The following FAM193A variants were observed in gnomAD, a reference collection of about 807,000 sequenced individuals.
The protein encoded by FAM193A is family with sequence similarity 193 member A, also known as protein FAM193A.
In FAM193A, 22 loss-of-function variants were observed where a neutral mutation model predicts 126.5. The observed-to-expected ratio is 0.17, with a 90% CI of 0.12 to 0.25. FAM193A has a LOEUF of 0.25. Among genes scored for constraint, FAM193A ranks in the 10% least tolerant of loss-of-function variants. The pLI is 1.00. For synonymous variants in FAM193A, 761 were observed against 646.8 expected (o/e 1.18, Z -2.68); for missense variants, 1,675 against 1,672.8 (o/e 1.00, Z -0.02).
chr4:2,544,957 C>T (rs984337875), intron 1 of FAM193A, among the ~76,000 whole-genome samples: 1 of 151,780 alleles, frequency 6.6e-6, no homozygotes, highest in Non-Finnish European at 1.5e-5. Flanking sequence ...CTGATCTCAT[C>T]TGTATCCTTT....
chr4:2,643,533 G>A (rs532752824), intron 6 of FAM193A, among the ~76,000 whole-genome samples: 3 of 74,440 alleles, frequency 4.0e-5, no homozygotes, highest in East Asian at 5.7e-4. Context: ...TTCCTCACCC[G>A]AAACAGTAAC....
chr4:2,559,794 G>A (rs1464943105), intron 1 of FAM193A, among the ~76,000 whole-genome samples: 2 of 152,104 alleles, frequency 1.3e-5, no homozygotes, highest in Admixed American at 6.6e-5. Context: ...ACAGCTGAGC[G>A]TCCTTGCCGT....
intron 20 of FAM193A, among the ~76,000 whole-genome samples, chr4:2,724,862 G>A (rs116374492): frequency 0.017 from 2,531 of 152,222 alleles, 53 homozygotes; most frequent in African/African-American, 0.048. Flanking sequence ...CAACTGAGAA[G>A]GTTTTTTTAT....
At chr4:2,562,518 G>A (rs1291621783) in intron 1 of FAM193A, among the ~76,000 whole-genome samples, 1 of 152,132 alleles carries the variant, frequency 6.6e-6, no homozygotes, top group Non-Finnish European at 1.5e-5. Flanking sequence ...TAGGATGTAA[G>A]GAGTGATGAT....
chr4:2,672,073 C>T (rs367800296), intron 12 of FAM193A, 48 bp from the exon 13 acceptor site: 8 of 1,597,300 alleles, frequency 5.0e-6, no homozygotes, highest in Non-Finnish European at 4.3e-6. Context: ...TTAATTCATA[C>T]CATTTATTGT....
At chr4:2,605,157 T>C (rs1010924968) in intron 2 of FAM193A, among the ~76,000 whole-genome samples, 4 of 152,018 alleles carry the variant, frequency 2.6e-5, no homozygotes, top group Non-Finnish European at 4.4e-5. Context: ...CTTACTGTAA[T>C]GGTTAATATA....
chr4:2,575,223 C>T (rs6828661), intron 1 of FAM193A, among the ~76,000 whole-genome samples: 10,853 of 152,056 alleles, frequency 0.071, 673 homozygotes, highest in African/African-American at 0.17. Context: ...GGTCAGGTGA[C>T]GAGACGGTGG....
intron 2 of FAM193A, among the ~76,000 whole-genome samples, chr4:2,611,730 C>T (rs1741886317): frequency 6.6e-6 from 1 of 152,060 alleles, no homozygotes; most frequent in African/African-American, 2.4e-5. Context: ...CAATACAAGC[C>T]CTTTATTAGA....
chr4:2,710,161 G>GTTTT lies in FAM193A; in HGVS notation c.4373-5850_4373-5847dup, dbSNP rs796903801. Reference sequence around the variant, plus strand: ...TATTTAGGTTTACTGTTCTTCTTTTGTTTTTTTTTTTTTTTCTTTTTTTTT... The same window carrying GTTTT: ...TATTTAGGTTTACTGTTCTTCTTTTGTTTTTTTTTTTTTTTTTTTCTTTTTTTTT... On this transcript the variant is annotated intron_variant, in intron 19 of 20. Coordinates refer to ENST00000637812, the MANE Select transcript of FAM193A (RefSeq NM_001366318.2). 1.0e-3 allele frequency among the ~76,000 whole-genome samples: 93 copies of GTTTT among 91,808 alleles called. 2 individuals carry two copies. Among genetic ancestry groups the GTTTT allele is most frequent in the Middle Eastern group, 7.2e-3 (1 of 138 alleles). 60.2% of individuals were successfully genotyped at this position (91,808 alleles called of 152,430 possible). A position where few individuals can be genotyped will look rare whatever the true frequency, so the allele number is the denominator to read the frequency against.
At position 2,631,164 on chromosome 4, in the gene FAM193A, A is replaced by G. The variant is rs1743538852; in HGVS notation, c.1033A>G (p.Thr345Ala). ...AARSISTFLG[T>A]LENEHLKKFQ... ...ACGCTCCATCAGCACCTTCCTTGGC[A>G]CTCTGGTAAGAGAGAAAACGTGTTT... The change falls in exon 5 of 21, where the codon ACT becomes GCT. Residue 345 changes from threonine to alanine, a missense_variant. Physicochemically the swap from Thr to Ala is moderately conservative, Grantham distance 58 (BLOSUM62 0). Transcript: ENST00000637812. 6.2e-7 allele frequency: 1 copy of G among 1,605,738 alleles called. No homozygotes were observed. The highest frequency in any genetic ancestry group is 2.2e-5 in the East Asian group (1 of 44,696).
chr4:2,538,106 C>G (rs531764597), intron 1 of FAM193A, among the ~76,000 whole-genome samples: 5 of 151,940 alleles, frequency 3.3e-5, no homozygotes, highest in African/African-American at 1.2e-4. Flanking sequence ...GTTATTTAAA[C>G]TCTTAAATTA....
At chr4:2,697,205 C>T (rs192754333) in intron 18 of FAM193A, among the ~76,000 whole-genome samples, 6 of 152,186 alleles carry the variant, frequency 3.9e-5, no homozygotes, top group South Asian at 2.1e-4. Context: ...ATACAAAAAA[C>T]GTTAGCCAGT....
intron 1 of FAM193A, among the ~76,000 whole-genome samples, chr4:2,575,187 C>T (rs752404681): frequency 2.0e-5 from 3 of 152,116 alleles, no homozygotes; most frequent in Non-Finnish European, 4.4e-5. Context: ...ATGTCAGAGG[C>T]CTATGCCCCA....
chr4:2,611,252 C>T (rs1741854140), intron 2 of FAM193A, among the ~76,000 whole-genome samples: 1 of 151,686 alleles, frequency 6.6e-6, no homozygotes. Context: ...TGGTTTTAAT[C>T]TGCATTTTCT....
Position 2,699,674 on chromosome 4 carries a change from T to C in FAM193A, c.3508-6T>C. 1 of 1,580,450 alleles carries C rather than the reference T, an allele frequency of 6.3e-7. No individual in the cohort carries two copies. The highest frequency in any genetic ancestry group is 1.7e-4 in the Middle Eastern group (1 of 5,748). On this transcript the variant is annotated splice_region_variant and splice_polypyrimidine_tract_variant and intron_variant, in intron 18 of 20. Transcript: ENST00000637812. ...GTCTTAAATTGCCTTCTTTTTGCAT[T>C]GGCAGCTGGAGGAGAAAGCTCGCCT...
At chr4:2,640,794 G>A (rs1237222841) in intron 6 of FAM193A, among the ~76,000 whole-genome samples, 1 of 151,886 alleles carries the variant, frequency 6.6e-6, no homozygotes, top group Non-Finnish European at 1.5e-5. Flanking sequence ...GTAAAACCCC[G>A]TCTCTACTAA....
chr4:2,688,062 G>A (rs1418005406), intron 13 of FAM193A, among the ~76,000 whole-genome samples: 1 of 152,204 alleles, frequency 6.6e-6, no homozygotes, highest in African/African-American at 2.4e-5. Context: ...CCCAGAGGAT[G>A]TGATGACCAG....
intron 1 of FAM193A, among the ~76,000 whole-genome samples, chr4:2,547,565 A>G (rs1054739471): frequency 1.3e-5 from 2 of 150,336 alleles, no homozygotes; most frequent in Non-Finnish European, 2.9e-5. Flanking sequence ...CTAGACAGAC[A>G]GTTTATAATT....
intron 7 of FAM193A, among the ~76,000 whole-genome samples, chr4:2,656,314 A>G (rs957907342): frequency 2.0e-5 from 3 of 152,222 alleles, no homozygotes; most frequent in African/African-American, 7.2e-5. Flanking sequence ...AACAAGAACT[A>G]TAGATCTTGT....
Sources: allele counts gnomAD v4.1 joint callset (sites outside exome capture counted in the v4.1 genomes callset), GRCh38; gene constraint gnomAD v4.1.1; transcripts MANE v1.5; gene names NCBI Gene and HGNC (gene_info 2026-07-23, HGNC 2026-07-21).